Variants in RFX2 observed in about 807,000 individuals in gnomAD.
RFX2 encodes the protein DNA-binding protein RFX2.
In RFX2, 20 loss-of-function variants were observed where a neutral mutation model predicts 87.8. The observed-to-expected ratio is 0.23, with a 90% CI of 0.16 to 0.33. The LOEUF (loss-of-function observed/expected upper bound fraction) is 0.33, where lower values mean the gene tolerates loss of function less well. Among genes scored for constraint, RFX2 ranks in the 10% least tolerant of loss-of-function variants. RFX2 has a pLI of 1.00. For missense variants in RFX2, 767 were observed against 1,012.3 expected (o/e 0.76, Z 3.29); for synonymous variants, 397 against 431.3 (o/e 0.92, Z 0.98).
In RFX2 at chr19:6,017,151, C is replaced by G. The variant is rs898908449; in HGVS notation, c.598-880G>C. ...GGCTGAGGTGGGAGGATTGCTTGAG[C>G]CCAGGAGGTTGAGGCTGCAGTGAGC... On this transcript the variant is annotated intron_variant, in intron 6 of 17. Transcript: ENST00000303657. This position sits in a 1 kb window ranked among gnomAD's most constrained non-coding sequence, Gnocchi z 4.1. Among the ~76,000 whole-genome samples the G allele has an allele frequency of 1.6e-4, 24 of 152,278 alleles. No individual in the cohort carries two copies. The highest frequency in any genetic ancestry group is 5.5e-4 in the African/African-American group (23 of 41,538).
rs764328832 is a variant in RFX2, at chr19:6,021,710, G to C, written c.597+4453C>G. Among the ~76,000 whole-genome samples the C allele has an allele frequency of 6.6e-6, 1 of 152,246 alleles. No homozygotes were observed. The highest frequency in any genetic ancestry group is 1.5e-5 in the Non-Finnish European group (1 of 68,050). ...CTGGAGCACAGTGAGGAGTGGGAGA[G>C]AGCGGGTCCTGCAGGGCCTTGTGGG... On this transcript the variant is annotated intron_variant, in intron 6 of 17. Transcript: ENST00000303657. This position sits in a 1 kb window ranked among gnomAD's most constrained non-coding sequence, Gnocchi z 5.7.
chr19:6,099,583 G>A (rs2088085186), intron 1 of RFX2, among the ~76,000 whole-genome samples: 1 of 151,690 alleles, frequency 6.6e-6, no homozygotes, highest in African/African-American at 2.4e-5. Context: ...AAGAGCACTC[G>A]GGCTCATGTG....
In RFX2 at chr19:6,011,440, G is replaced by A. The variant is rs2086658828; in HGVS notation, c.900-1189C>T. On this transcript the variant is annotated intron_variant, in intron 8 of 17. Coordinates refer to ENST00000303657, the MANE Select transcript of RFX2 (RefSeq NM_000635.4). This position sits in a 1 kb window ranked among gnomAD's most constrained non-coding sequence, Gnocchi z 4.8. ...TACAGGGAGGCGGGAGACCATGCTGGCGAGGTGTGTGTAAACCACCTGGCT... is the reference window on the plus strand; with the variant it reads ...TACAGGGAGGCGGGAGACCATGCTGACGAGGTGTGTGTAAACCACCTGGCT... Among the ~76,000 whole-genome samples the A allele has an allele frequency of 6.6e-6, 1 of 152,324 alleles. No homozygotes were observed.
intron 1 of RFX2, among the ~76,000 whole-genome samples, chr19:6,079,205 A>G (rs926318882): frequency 6.6e-6 from 1 of 152,224 alleles, no homozygotes; most frequent in Non-Finnish European, 1.5e-5. Context: ...AGGGAGTATC[A>G]CTGCGATTTA....
At chr19:6,003,815 C>T (rs1209725912) in intron 13 of RFX2, among the ~76,000 whole-genome samples, 6 of 136,182 alleles carry the variant, frequency 4.4e-5, no homozygotes, top group African/African-American at 1.7e-4. Context: ...AAAAGAAATG[C>T]TTGTGAGAAC....
At chr19:6,031,659 A>G (rs1021344230) in intron 5 of RFX2, among the ~76,000 whole-genome samples, 4 of 151,790 alleles carry the variant, frequency 2.6e-5, no homozygotes, top group South Asian at 2.1e-4. Context: ...TGAACTCCTG[A>G]CCTCAAGTGA....
At chr19:6,109,088 T>C (rs2088266853) in intron 1 of RFX2, among the ~76,000 whole-genome samples, 1 of 148,750 alleles carries the variant, frequency 6.7e-6, no homozygotes, top group Non-Finnish European at 1.5e-5. Context: ...GGAGTTTAAA[T>C]CCACAAACAC....
chr19:6,013,184 C>A lies in RFX2; in HGVS notation c.780-79G>T. On this transcript the variant is annotated intron_variant, in intron 7 of 17. Transcript: ENST00000303657. This position sits in a 1 kb window ranked among gnomAD's most constrained non-coding sequence, Gnocchi z 4.1. ...AGACAGGTTGGGATTCTTTTTCTTT[C>A]TTTCTTCTTTTTTTTTTTTGAGACA... 1.5e-6 allele frequency: 2 copies of A among 1,375,708 alleles called. No homozygotes were observed. Among genetic ancestry groups the A allele is most frequent in the Middle Eastern group, 1.9e-4 (1 of 5,202 alleles). The allele number at this position is 1,375,708 out of a possible 1,614,324, so 85.2% of individuals were successfully genotyped here.
chr19:5,998,431 C>T lies in RFX2; in HGVS notation c.1860-1218G>A, dbSNP rs2086446782. On this transcript the variant is annotated intron_variant, in intron 15 of 17. Transcript: ENST00000303657. This position sits in a 1 kb window ranked among gnomAD's most constrained non-coding sequence, Gnocchi z 4.2. ...CAGGCGGCCCCCAATGCCCAACTGC[C>T]CCGGCTCGAAGTATACTTTCATAAA... is the stretch of plus-strand genomic sequence containing the variant. Among the ~76,000 whole-genome samples, 1 of 152,212 alleles carries T rather than the reference C, an allele frequency of 6.6e-6. No individual in the cohort carries two copies. The highest frequency in any genetic ancestry group is 1.5e-5 in the Non-Finnish European group (1 of 68,044).
intron 1 of RFX2, among the ~76,000 whole-genome samples, chr19:6,081,210 TA>T (rs1253844648): frequency 6.6e-6 from 1 of 152,120 alleles, no homozygotes; most frequent in East Asian, 1.9e-4. Flanking sequence ...AAAAAGTTCA[TA>T]ATAAGTCTGC....
Position 6,038,132 on chromosome 19 carries a change from G to T in RFX2, c.522+1848C>A, listed in dbSNP as rs561976445. Among the ~76,000 whole-genome samples, 27 of 152,126 alleles carry T rather than the reference G, an allele frequency of 1.8e-4. 1 individual carries two copies. Among genetic ancestry groups the T allele is most frequent in the Admixed American group, 1.6e-3 (25 of 15,270 alleles). On this transcript the variant is annotated intron_variant, in intron 5 of 17. Coordinates refer to ENST00000303657, the MANE Select transcript of RFX2 (RefSeq NM_000635.4). ...ACTTGAGGTCAGGCATTCGAGACCAGCCTGGCCAACATGGTAAAACCCTGT... is the reference window on the plus strand; with the variant it reads ...ACTTGAGGTCAGGCATTCGAGACCATCCTGGCCAACATGGTAAAACCCTGT...
chr19:6,074,026 C>A lies in RFX2; in HGVS notation c.-8-26522G>T, dbSNP rs1377527533. 6.6e-6 allele frequency among the ~76,000 whole-genome samples: 1 copy of A among 152,216 alleles called. No individual in the cohort carries two copies. Among genetic ancestry groups the A allele is most frequent in the Non-Finnish European group, 1.5e-5 (1 of 68,030 alleles). ...GACTTCTAGGCAGCCCCCAGACAGG[C>A]CGGCCCTGGGTAGCAGGAACTCGTT... On this transcript the variant is annotated intron_variant, in intron 1 of 17. Transcript: ENST00000303657. This position sits in a 1 kb window ranked among gnomAD's most constrained non-coding sequence, Gnocchi z 5.2.
In RFX2 at chr19:6,004,564, T is replaced by C. The variant is rs981875643; in HGVS notation, c.1403-266A>G. ...ACTGGGCAATGTCTGGGGACGTTAA[T>C]GGTGGTCATGACTGCAGGGTGCCTC... On this transcript the variant is annotated intron_variant, in intron 12 of 17. Transcript: ENST00000303657. This position sits in a 1 kb window ranked among gnomAD's most constrained non-coding sequence, Gnocchi z 4.8. Among the ~76,000 whole-genome samples, 5 of 152,062 alleles carry C rather than the reference T, an allele frequency of 3.3e-5. No individual in the cohort carries two copies. Among genetic ancestry groups the C allele is most frequent in the Admixed American group, 6.5e-5 (1 of 15,276 alleles).
intron 5 of RFX2, among the ~76,000 whole-genome samples, chr19:6,033,866 G>C (rs879358223): frequency 6.6e-6 from 1 of 152,206 alleles, no homozygotes; most frequent in Non-Finnish European, 1.5e-5. Context: ...ATCATAGTGA[G>C]AGAAAAAGCA....
At chr19:6,077,345 G>A (rs1407215159) in intron 1 of RFX2, among the ~76,000 whole-genome samples, 2 of 152,180 alleles carry the variant, frequency 1.3e-5, no homozygotes, top group Non-Finnish European at 2.9e-5. Flanking sequence ...ATGAGTGTGT[G>A]CCAGGGGCTG....
Position 6,058,463 on chromosome 19 carries a change from A to C in RFX2, c.-8-10959T>G, listed in dbSNP as rs1208771661. 7.9e-5 allele frequency among the ~76,000 whole-genome samples: 12 copies of C among 152,316 alleles called. No individual in the cohort carries two copies. The East Asian group carries it at 2.1e-3, about 27-fold the overall frequency. On this transcript the variant is annotated intron_variant, in intron 1 of 17. Transcript: ENST00000303657. ...ATCATGACAATTCAGCCAGGCAAGG[A>C]GTGTGAAATAAATGAACAGGACCCT... is the stretch of plus-strand genomic sequence containing the variant.
rs2086826144 is a variant in RFX2 at position 6,022,353 on chromosome 19, ATG to A, written c.597+3808_597+3809del. On this transcript the variant is annotated intron_variant, in intron 6 of 17. Transcript: ENST00000303657. The surrounding 1 kb of genome is among the most constrained non-coding windows in gnomAD (Gnocchi z 6.2). Reference sequence around the variant, plus strand: ...GCTGAAGGCTAAATGACCTTTGACAATGTGTGTTTCTTGATTTCAAAGCAAAA... The same window carrying A: ...GCTGAAGGCTAAATGACCTTTGACAATGTGTTTCTTGATTTCAAAGCAAAA... Among the ~76,000 whole-genome samples, 4 of 152,200 alleles carry A rather than the reference ATG, an allele frequency of 2.6e-5. No individual in the cohort carries two copies. The highest frequency in any genetic ancestry group is 2.6e-4 in the Admixed American group (4 of 15,290).
At chr19:6,062,538 C>T (rs941257289) in intron 1 of RFX2, among the ~76,000 whole-genome samples, 6 of 152,204 alleles carry the variant, frequency 3.9e-5, no homozygotes, top group East Asian at 1.9e-4. Flanking sequence ...CACAGCTTCC[C>T]GACCTACGTG....
chr19:6,022,319 A>G lies in RFX2; in HGVS notation c.597+3844T>C, dbSNP rs979943439. 7.9e-5 allele frequency among the ~76,000 whole-genome samples: 12 copies of G among 152,222 alleles called. No homozygotes were observed. The highest frequency in any genetic ancestry group is 7.2e-4 in the Admixed American group (11 of 15,286). ...GCACGGCCATCGTGCCAGGCTACAC[A>G]GGTCACCAGCTGAAGGCTAAATGAC... is the stretch of plus-strand genomic sequence containing the variant. On this transcript the variant is annotated intron_variant, in intron 6 of 17. Transcript: ENST00000303657. This position sits in a 1 kb window ranked among gnomAD's most constrained non-coding sequence, Gnocchi z 6.2.
Sources: gnomAD v4.1 joint callset for allele counts (sites outside exome capture counted in the v4.1 genomes callset) on GRCh38, gnomAD v4.1.1 for gene constraint, Gnocchi (gnomAD v3.1) non-coding constraint, MANE v1.5 for transcripts, NCBI Gene and HGNC (gene_info 2026-07-23, HGNC 2026-07-21) for gene names.